Variants in TMEM245 observed in about 807,000 individuals in gnomAD.
The protein encoded by TMEM245 is transmembrane protein 245.
TMEM245 carries 69 observed loss-of-function variants against 101.2 expected under a neutral mutation model. That is an observed-to-expected ratio of 0.68 (90% confidence interval 0.56 to 0.83). The LOEUF (loss-of-function observed/expected upper bound fraction) is 0.83, where lower values mean the gene tolerates loss of function less well. TMEM245 is among the 40% of genes least tolerant of loss of function. The pLI is 0.00. For synonymous variants in TMEM245, 537 were observed against 449.8 expected, an observed-to-expected ratio of 1.19 and a Z score of -2.45; for missense variants, 1,075 against 1,092.8, an observed-to-expected ratio of 0.98 and a Z score of 0.23.
chr9:109,107,007 C>A (rs1178496749), intron 2 of TMEM245, among the ~76,000 whole-genome samples: 1 of 151,032 alleles, frequency 6.6e-6, no homozygotes, highest in Non-Finnish European at 1.5e-5. Context: ...TACCACCGGG[C>A]GTGAACTTTC....
intron 11 of TMEM245, among the ~76,000 whole-genome samples, chr9:109,059,741 C>A (rs539903392): frequency 6.6e-6 from 1 of 151,968 alleles, no homozygotes; most frequent in African/African-American, 2.4e-5. Context: ...CGTTTAGATT[C>A]AGTTTCACTT....
rs931575950 is a variant in TMEM245 at position 109,017,508 on chromosome 9, CA to C, written c.*2951del. 6.6e-5 allele frequency: 10 copies of C among 152,194 alleles called. No homozygotes were observed. The highest frequency in any genetic ancestry group is 2.2e-4 in the African/African-American group (9 of 41,450). The allele number at this position is 152,194 out of a possible 1,614,324, so 9.4% of individuals were successfully genotyped here. A position where few individuals can be genotyped will look rare whatever the true frequency, so the allele number is the denominator to read the frequency against. On this transcript the variant is annotated 3_prime_UTR_variant, in exon 18 of 18. Coordinates refer to ENST00000374586, the MANE Select transcript of TMEM245 (RefSeq NM_032012.4). Reference sequence around the variant, plus strand: ...GCTGAAAATCCCATGCCTTCTCTCTCAGAAAAGAGAGGAGCATACCTGTGTG... The same window carrying C: ...GCTGAAAATCCCATGCCTTCTCTCTCGAAAAGAGAGGAGCATACCTGTGTG...
At chr9:109,096,374 G>A (rs906537959) in intron 3 of TMEM245, among the ~76,000 whole-genome samples, 16 of 152,202 alleles carry the variant, frequency 1.1e-4, no homozygotes, top group Non-Finnish European at 1.3e-4. Flanking sequence ...CTACTCAAGA[G>A]GCTGAGGCAG....
At chr9:109,068,842 T>C (rs1377042672) in intron 9 of TMEM245, among the ~76,000 whole-genome samples, 1 of 151,910 alleles carries the variant, frequency 6.6e-6, no homozygotes, top group Non-Finnish European at 1.5e-5. Flanking sequence ...AACTGATCAG[T>C]GGTTGCTAAG....
chr9:109,112,901 C>T (rs750879485), intron 1 of TMEM245, among the ~76,000 whole-genome samples: 1 of 152,082 alleles, frequency 6.6e-6, no homozygotes, highest in Non-Finnish European at 1.5e-5. Flanking sequence ...CATGGTGAAA[C>T]CCCGTCTCTA....
At chr9:109,115,028 G>A (rs550976514) in intron 1 of TMEM245, among the ~76,000 whole-genome samples, 91 of 152,232 alleles carry the variant, frequency 6.0e-4, no homozygotes, top group African/African-American at 2.1e-3. Context: ...AACTGAACTG[G>A]AAAGAAAAAC....
At chr9:109,065,585 G>A (rs1829144567) in intron 9 of TMEM245, among the ~76,000 whole-genome samples, 1 of 152,160 alleles carries the variant, frequency 6.6e-6, no homozygotes, top group South Asian at 2.1e-4. Context: ...GTTGTGCAGT[G>A]AGAGGTGGCC....
intron 12 of TMEM245, among the ~76,000 whole-genome samples, chr9:109,054,855 C>T (rs902924407): frequency 6.6e-6 from 1 of 152,156 alleles, no homozygotes; most frequent in Admixed American, 6.5e-5. Flanking sequence ...AACTATACTA[C>T]TTTTGCAGAA....
intron 11 of TMEM245, 100 bp from the exon 12 acceptor site, chr9:109,057,422 G>A: frequency 1.6e-5 from 22 of 1,350,268 alleles, no homozygotes; most frequent in Non-Finnish European, 1.8e-5. Context: ...CATCACTTCA[G>A]TAAGTACTCC....
At chr9:109,075,453 T>C (rs976951227) in intron 8 of TMEM245, among the ~76,000 whole-genome samples, 1 of 152,156 alleles carries the variant, frequency 6.6e-6, no homozygotes, top group Non-Finnish European at 1.5e-5. Flanking sequence ...CTTCGCTACA[T>C]GTTTGATAAA....
chr9:109,035,544 T>C (rs1828093030), intron 16 of TMEM245, among the ~76,000 whole-genome samples: 1 of 152,210 alleles, frequency 6.6e-6, no homozygotes, highest in Non-Finnish European at 1.5e-5. Flanking sequence ...GAAATTAACT[T>C]GCTGAGATTT....
At chr9:109,065,397 TG>T (rs35950834) in intron 9 of TMEM245, among the ~76,000 whole-genome samples, 149,077 of 152,300 alleles carry the variant, frequency 0.98, 72,986 homozygotes, top group East Asian at 1. Context: ...GTGATACTGA[TG>T]GCATGCTACA....
chr9:109,028,760 A>G (rs1388898200), intron 17 of TMEM245, among the ~76,000 whole-genome samples: 1 of 152,182 alleles, frequency 6.6e-6, no homozygotes, highest in South Asian at 2.1e-4. Flanking sequence ...AAAAACCCAA[A>G]TTATCAGCTG....
chr9:109,068,943 G>A (rs1829252049), intron 9 of TMEM245, among the ~76,000 whole-genome samples: 1 of 152,178 alleles, frequency 6.6e-6, no homozygotes. Flanking sequence ...GTTATGTACT[G>A]AGTGTGTTGA....
At position 109,095,623 on chromosome 9, in the gene TMEM245, G is replaced by A. The variant is rs545432549; in HGVS notation, c.800-2032C>T. Among the ~76,000 whole-genome samples, 8 of 152,274 alleles carry A rather than the reference G, an allele frequency of 5.3e-5. No homozygotes were observed. The East Asian group carries it at 5.8e-4, about 11-fold the overall frequency. The stretch of plus-strand genomic sequence containing the variant: ...TGTTTATTCTAAGAGGAAGAAGAAC[G>A]CACTGAAGAGTTTCAAACAGGATAG... On this transcript the variant is annotated intron_variant, in intron 3 of 17. Coordinates refer to ENST00000374586, the MANE Select transcript of TMEM245 (RefSeq NM_032012.4).
chr9:109,097,756 T>TA (rs1451209303), intron 3 of TMEM245, among the ~76,000 whole-genome samples: 1 of 151,956 alleles, frequency 6.6e-6, no homozygotes, highest in Non-Finnish European at 1.5e-5. Flanking sequence ...CCGTCTCTAT[T>TA]AAAAATACAA....
chr9:109,029,524 T>C (rs918328695), intron 17 of TMEM245, among the ~76,000 whole-genome samples: 2 of 152,224 alleles, frequency 1.3e-5, no homozygotes, highest in Admixed American at 6.5e-5. Context: ...ATTCTCTACA[T>C]AGGAAAGCTA....
At chr9:109,049,919 A>C (rs1368167435) in intron 14 of TMEM245, among the ~76,000 whole-genome samples, 1 of 152,154 alleles carries the variant, frequency 6.6e-6, no homozygotes, top group Non-Finnish European at 1.5e-5. Flanking sequence ...CCTCCCAAGT[A>C]GCTGGGGTTA....
chr9:109,081,720 T>G (rs1195721494), intron 7 of TMEM245, among the ~76,000 whole-genome samples: 1 of 152,220 alleles, frequency 6.6e-6, no homozygotes, highest in African/African-American at 2.4e-5. Context: ...GAAGTTTCTA[T>G]TCTTCTGAAA....
Sources: gnomAD v4.1 joint callset for allele counts (sites outside exome capture counted in the v4.1 genomes callset) on GRCh38, gnomAD v4.1.1 for gene constraint, MANE v1.5 for transcripts, NCBI Gene and HGNC (gene_info 2026-07-23, HGNC 2026-07-21) for gene names.